MME: variants seen among roughly 807,000 people sequenced by gnomAD.
MME encodes neprilysin.
MME carries 98 observed loss-of-function variants against 113.2 expected under a neutral mutation model. The observed-to-expected ratio is 0.87, with a 90% CI of 0.74 to 1.02. The LOEUF is 1.02. Among genes scored for constraint, MME ranks in the 50% least tolerant of loss-of-function variants. The probability of loss-of-function intolerance (pLI) is 0.00; values close to 1 mark genes in which losing one functional copy is unlikely to be tolerated. For synonymous variants in MME, 292 were observed against 300.6 expected, an observed-to-expected ratio of 0.97 and a Z score of 0.30; for missense variants, 836 against 896.0, an observed-to-expected ratio of 0.93 and a Z score of 0.86.
intron 1 of MME, among the ~76,000 whole-genome samples, chr3:155,069,656 G>A (rs1472170553): frequency 6.6e-6 from 1 of 152,102 alleles, no homozygotes; most frequent in East Asian, 1.9e-4. Context: ...TGTACTTTAT[G>A]GAGAACCCTT....
At chr3:155,150,097 A>G (rs953934510) in intron 16 of MME, among the ~76,000 whole-genome samples, 12 of 152,200 alleles carry the variant, frequency 7.9e-5, no homozygotes, top group African/African-American at 2.7e-4. Context: ...TTAAAAATAG[A>G]CATACTAAGA....
At chr3:155,058,041 TA>T (rs1714001647) in intron 1 of MME, among the ~76,000 whole-genome samples, 1 of 152,114 alleles carries the variant, frequency 6.6e-6, no homozygotes, top group African/African-American at 2.4e-5. Context: ...CAAGTTTCTC[TA>T]AAAGCTACTA....
intron 1 of MME, among the ~76,000 whole-genome samples, chr3:155,062,084 A>G (rs896294763): frequency 4.6e-5 from 7 of 152,198 alleles, no homozygotes; most frequent in African/African-American, 1.7e-4. Context: ...TATTGTGCTT[A>G]TCACCCTAGC....
chr3:155,138,295 C>T (rs1720797521), intron 9 of MME, 59 bp downstream of exon 9: 3 of 1,544,704 alleles, frequency 1.9e-6, no homozygotes, highest in Non-Finnish European at 1.8e-6. Context: ...TTTTCTTTCC[C>T]CTCTCTATCA....
chr3:155,153,319 A>G (rs1722079220), intron 16 of MME, among the ~76,000 whole-genome samples: 2 of 152,108 alleles, frequency 1.3e-5, no homozygotes, highest in African/African-American at 4.8e-5. Context: ...CTCTTGATTC[A>G]TGTGGTTTCT....
intron 8 of MME, among the ~76,000 whole-genome samples, chr3:155,133,442 C>T (rs987745078): frequency 7.2e-5 from 11 of 151,802 alleles, no homozygotes; most frequent in African/African-American, 2.7e-4. Flanking sequence ...CTAGAAGCAT[C>T]ATCCAAAGTT....
At chr3:155,148,479 C>T in intron 15 of MME, 71 bp from the exon 16 acceptor site, 1 of 1,007,232 alleles carries the variant, frequency 9.9e-7, no homozygotes, top group East Asian at 2.4e-5. Context: ...TAAGAAAATC[C>T]CTATGTTTTT....
At chr3:155,087,669 CTT>C (rs1421733035) in intron 3 of MME, among the ~76,000 whole-genome samples, 1 of 152,166 alleles carries the variant, frequency 6.6e-6, no homozygotes, top group Admixed American at 6.5e-5. Context: ...TCTTTGGTAT[CTT>C]AATCTATAGA....
intron 1 of MME, among the ~76,000 whole-genome samples, chr3:155,058,120 A>G (rs2108133191): frequency 6.6e-6 from 1 of 152,324 alleles, no homozygotes; most frequent in Non-Finnish European, 1.5e-5. Flanking sequence ...CAAGACAAAA[A>G]TAAACCTTGT....
intron 3 of MME, among the ~76,000 whole-genome samples, chr3:155,085,915 A>G (rs144811811): frequency 6.0e-4 from 91 of 152,308 alleles, no homozygotes; most frequent in African/African-American, 2.0e-3. Flanking sequence ...AAAGAAAGAA[A>G]CTATGTTATT....
At chr3:155,070,773 C>T (rs866830741) in intron 1 of MME, among the ~76,000 whole-genome samples, 3 of 152,272 alleles carry the variant, frequency 2.0e-5, no homozygotes, top group Middle Eastern at 3.4e-3. Context: ...AGACGCATTT[C>T]TTCACCTTGC....
intron 3 of MME, among the ~76,000 whole-genome samples, chr3:155,093,960 A>C (rs2108198712): frequency 6.6e-6 from 1 of 152,190 alleles, no homozygotes; most frequent in South Asian, 2.1e-4. Context: ...TTGCTTCATC[A>C]GCTTTATTCC....
At chr3:155,145,873 T>G (rs912823443) in intron 14 of MME, among the ~76,000 whole-genome samples, 5 of 152,140 alleles carry the variant, frequency 3.3e-5, no homozygotes, top group African/African-American at 4.8e-5. Context: ...TTGTCATGAC[T>G]GATGGCAAAC....
intron 16 of MME, among the ~76,000 whole-genome samples, chr3:155,151,324 T>C (rs1721915648): frequency 6.6e-6 from 1 of 152,170 alleles, no homozygotes. Flanking sequence ...TGTAGGGTTG[T>C]ATTGTAGGGC....
intron 3 of MME, among the ~76,000 whole-genome samples, chr3:155,093,328 A>T (rs188538767): frequency 6.7e-6 from 1 of 149,750 alleles, no homozygotes; most frequent in African/African-American, 2.4e-5. Flanking sequence ...TAGTAAATCA[A>T]CTGGGAAGTT....
upstream of MME, among the ~76,000 whole-genome samples, chr3:155,077,900 T>C (rs1483382912): frequency 6.6e-6 from 1 of 152,054 alleles, no homozygotes; most frequent in African/African-American, 2.4e-5. Context: ...AAATCCTTTT[T>C]TTTCCTTTAA....
At chr3:155,139,812 AGAGT>A (rs1720921006) in intron 9 of MME, among the ~76,000 whole-genome samples, 1 of 152,168 alleles carries the variant, frequency 6.6e-6, no homozygotes, top group Admixed American at 6.5e-5. Flanking sequence ...GATGGGAGAG[AGAGT>A]ATTTAAGAGA....
chr3:155,076,693 A>C (rs984385124), upstream of MME, among the ~76,000 whole-genome samples: 1 of 152,322 alleles, frequency 6.6e-6, no homozygotes, highest in South Asian at 2.1e-4. Context: ...GTAAACTTAC[A>C]GTTATTTCTT....
chr3:155,044,106 G>T lies in MME; in HGVS notation c.-11+19782G>T, dbSNP rs557993951. 7.0e-5 allele frequency among the ~76,000 whole-genome samples: 10 copies of T among 141,920 alleles called. 1 individual carries two copies. In the South Asian group the frequency reaches 1.9e-3, roughly 26 times the overall value. 93.1% of individuals were successfully genotyped at this position (141,920 alleles called of 152,430 possible). On this transcript the variant is annotated intron_variant, in intron 1 of 22. Coordinates refer to the MME transcript ENST00000492661. ...TTCTCTTTTATAACTATTATATGTTGAATATTTTCTTCCTTTTTCTTTTTT... is the reference window on the plus strand; with the variant it reads ...TTCTCTTTTATAACTATTATATGTTTAATATTTTCTTCCTTTTTCTTTTTT...
Sources: gnomAD v4.1 joint callset for allele counts (sites outside exome capture counted in the v4.1 genomes callset) on GRCh38, gnomAD v4.1.1 for gene constraint, MANE v1.5 for transcripts, NCBI Gene and HGNC (gene_info 2026-07-23, HGNC 2026-07-21) for gene names.